ULK4: variants seen among roughly 807,000 people sequenced by gnomAD.
ULK4 encodes the protein unc-51 like kinase 4, also known as inactive serine/threonine-protein kinase ULK4.
Under a neutral mutation model 160.6 loss-of-function variants are expected in ULK4, and 133 were observed. The observed-to-expected ratio is 0.83, with a 90% confidence interval of 0.72 to 0.96. The LOEUF (loss-of-function observed/expected upper bound fraction) is 0.96. Ranked by LOEUF, ULK4 falls within the 40% of genes least tolerant of loss-of-function variation. The pLI is 0.00. For synonymous variants in ULK4, 534 were observed against 539.8 expected (o/e 0.99, Z 0.15); for missense variants, 1,580 against 1,499.5 (o/e 1.05, Z -0.89).
intron 35 of ULK4, among the ~76,000 whole-genome samples, chr3:41,283,234 C>T (rs11710696): frequency 0.29 from 44,624 of 152,068 alleles, 6,929 homozygotes; most frequent in Middle Eastern, 0.35. Flanking sequence ...TGGAAGACAG[C>T]GTGGTGATTC....
chr3:41,433,277 AC>A (rs1340904715), intron 34 of ULK4, among the ~76,000 whole-genome samples: 6 of 152,318 alleles, frequency 3.9e-5, no homozygotes, highest in Admixed American at 2.6e-4. Flanking sequence ...GAAATGCAAA[AC>A]ATCAAAGACC....
chr3:41,843,071 A>C (rs2041974872), intron 17 of ULK4, among the ~76,000 whole-genome samples: 1 of 152,170 alleles, frequency 6.6e-6, no homozygotes, highest in African/African-American at 2.4e-5. Flanking sequence ...AAAACTATAA[A>C]CCTTCTAGAA....
chr3:41,833,484 G>T (rs1054499664), intron 18 of ULK4, among the ~76,000 whole-genome samples: 1 of 151,912 alleles, frequency 6.6e-6, no homozygotes, highest in African/African-American at 2.4e-5. Context: ...TTTTAGTAGA[G>T]ACGGGGTTTC....
At position 41,844,505 on chromosome 3, in the gene ULK4, C is replaced by T. The variant is rs1041848370; in HGVS notation, c.1657-8534G>A. 7.9e-5 allele frequency among the ~76,000 whole-genome samples: 12 copies of T among 152,288 alleles called. No individual in the cohort carries two copies. The East Asian group carries it at 1.4e-3, about 17-fold the overall frequency. On this transcript the variant is annotated intron_variant, in intron 17 of 36. Transcript: ENST00000301831. Reference sequence around the variant, plus strand: ...TGCCCACCCAGAACTCCAGCTGGCCCGCAAGCACCCCACACAGCCCCGGTT... The same window carrying T: ...TGCCCACCCAGAACTCCAGCTGGCCTGCAAGCACCCCACACAGCCCCGGTT...
intron 35 of ULK4, among the ~76,000 whole-genome samples, chr3:41,272,687 C>G (rs953803533): frequency 1.3e-5 from 2 of 151,790 alleles, no homozygotes; most frequent in Admixed American, 1.3e-4. Flanking sequence ...ATTATTCCTT[C>G]AAATATTTTT....
intron 30 of ULK4, among the ~76,000 whole-genome samples, chr3:41,653,477 T>C (rs1202432448): frequency 6.6e-6 from 1 of 152,182 alleles, no homozygotes; most frequent in Non-Finnish European, 1.5e-5. Context: ...GGCAATTGTC[T>C]CCTGATCTAC....
intron 27 of ULK4, among the ~76,000 whole-genome samples, chr3:41,700,264 T>C (rs1222374997): frequency 6.6e-6 from 1 of 152,176 alleles, no homozygotes; most frequent in Non-Finnish European, 1.5e-5. Flanking sequence ...AGCATGGAGC[T>C]GACTGCCCAG....
At chr3:41,925,475 G>A (rs1257910523) in intron 5 of ULK4, among the ~76,000 whole-genome samples, 2 of 152,176 alleles carry the variant, frequency 1.3e-5, no homozygotes, top group African/African-American at 4.8e-5. Flanking sequence ...AAACTGGGTG[G>A]CCGTTGGGGC....
At chr3:41,775,332 G>C (rs2039567658) in intron 21 of ULK4, among the ~76,000 whole-genome samples, 1 of 150,108 alleles carries the variant, frequency 6.7e-6, no homozygotes, top group African/African-American at 2.5e-5. Context: ...AAAATTTACA[G>C]TATTAATAAT....
chr3:41,602,882 G>A (rs1004115215), intron 31 of ULK4, among the ~76,000 whole-genome samples: 3 of 151,758 alleles, frequency 2.0e-5, no homozygotes, highest in African/African-American at 4.8e-5. Flanking sequence ...AAATAAAAAT[G>A]AAATTCTAAA....
At chr3:41,800,038 CTATT>C (rs2040409163) in intron 20 of ULK4, 90 bp downstream of exon 20, 24 of 1,175,070 alleles carry the variant, frequency 2.0e-5, no homozygotes, top group Admixed American at 5.8e-5. Context: ...AGTTTCCTAT[CTATT>C]AAATTAAATT....
intron 21 of ULK4, among the ~76,000 whole-genome samples, chr3:41,772,057 GACA>G (rs1426579838): frequency 2.0e-5 from 3 of 152,150 alleles, no homozygotes; most frequent in African/African-American, 4.8e-5. Context: ...GAATCTCTGG[GACA>G]CATTTAAAGC....
At chr3:41,752,832 C>T (rs540066631) in intron 22 of ULK4, among the ~76,000 whole-genome samples, 46 of 152,014 alleles carry the variant, frequency 3.0e-4, no homozygotes, top group Non-Finnish European at 4.7e-4. Context: ...CCCCCTTCCC[C>T]GAAAAAAGAA....
At chr3:41,354,629 G>A (rs1458726785) in intron 35 of ULK4, among the ~76,000 whole-genome samples, 5 of 152,264 alleles carry the variant, frequency 3.3e-5, no homozygotes, top group Admixed American at 6.5e-5. Flanking sequence ...CTGCTCTTAA[G>A]CTGGGGACAA....
chr3:41,487,465 A>G (rs1236810631), intron 32 of ULK4, among the ~76,000 whole-genome samples: 7 of 152,178 alleles, frequency 4.6e-5, no homozygotes, highest in Non-Finnish European at 1.0e-4. Flanking sequence ...ATACTACAAT[A>G]ATAAAAATGT....
At chr3:41,570,448 C>T (rs1000104650) in intron 31 of ULK4, among the ~76,000 whole-genome samples, 8 of 152,062 alleles carry the variant, frequency 5.3e-5, no homozygotes, top group African/African-American at 1.7e-4. Flanking sequence ...ACATGTTACT[C>T]GTGATAAAGT....
chr3:41,812,965 A>G (rs1329301651), intron 19 of ULK4, among the ~76,000 whole-genome samples: 3 of 152,242 alleles, frequency 2.0e-5, no homozygotes, highest in African/African-American at 7.2e-5. Flanking sequence ...TAGCCCCTAG[A>G]GAATTTCCAC....
intron 30 of ULK4, among the ~76,000 whole-genome samples, chr3:41,661,543 AATAG>A (rs1410608336): frequency 1.3e-5 from 2 of 151,562 alleles, no homozygotes; most frequent in African/African-American, 2.4e-5. Context: ...TAGATAGATA[AATAG>A]ATAGATAATA....
chr3:41,342,371 A>G (rs977925189), intron 35 of ULK4, among the ~76,000 whole-genome samples: 2 of 152,176 alleles, frequency 1.3e-5, no homozygotes, highest in Admixed American at 1.3e-4. Context: ...CAAAGTTTCT[A>G]ATCTATTTTT....
Sources: gnomAD v4.1 joint callset for allele counts (sites outside exome capture counted in the v4.1 genomes callset) on GRCh38, gnomAD v4.1.1 for gene constraint, MANE v1.5 for transcripts, NCBI Gene and HGNC (gene_info 2026-07-23, HGNC 2026-07-21) for gene names.